GID4: variants seen among roughly 807,000 people sequenced by gnomAD.
The protein encoded by GID4 is GID complex subunit 4 homolog, also known as glucose-induced degradation protein 4 homolog.
In GID4, 7 loss-of-function variants were observed where a neutral mutation model predicts 32.4. The ratio of observed to expected loss-of-function variants is 0.22; its 90% confidence interval spans 0.12 to 0.41. The LOEUF (loss-of-function observed/expected upper bound fraction) is 0.41, where lower values mean the gene tolerates loss of function less well. Among genes scored for constraint, GID4 ranks in the 10% least tolerant of loss-of-function variants. GID4 has a pLI of 1.00. For synonymous variants in GID4, 166 were observed against 170.0 expected (o/e 0.98, Z 0.18); for missense variants, 309 against 400.0 (o/e 0.77, Z 1.94).
At chr17:18,064,831 C>T (rs1217251796) in intron 5 of GID4, among the ~76,000 whole-genome samples, 5 of 152,150 alleles carry the variant, frequency 3.3e-5, no homozygotes, top group Non-Finnish European at 7.4e-5. Flanking sequence ...TTACATGCTA[C>T]AGCAGGAGAG....
chr17:18,047,269 A>G (rs1435989256), intron 2 of GID4, among the ~76,000 whole-genome samples: 1 of 152,248 alleles, frequency 6.6e-6, no homozygotes, highest in Non-Finnish European at 1.5e-5. Flanking sequence ...AGGAGAAAAG[A>G]TACTAAAACA....
chr17:18,061,868 C>G lies in GID4; in HGVS notation c.732C>G (p.His244Gln). 4 of 1,614,094 alleles carry G rather than the reference C, an allele frequency of 2.5e-6. No homozygotes were observed. Among genetic ancestry groups the G allele is most frequent in the Non-Finnish European group, 3.4e-6 (4 of 1,179,986 alleles). Reference sequence around the variant, plus strand: ...AGGAACAGTTTCTGGTCCCAGATCACACGATCAAAGACATCAGTGGTGCTT... The same window carrying G: ...AGGAACAGTTTCTGGTCCCAGATCAGACGATCAAAGACATCAGTGGTGCTT... ...RWKEQFLVPD[H>Q]TIKDISGASF... is the part of the protein sequence containing the mutation. Residue 244 changes from histidine (H) to glutamine (Q), a missense_variant, in exon 5 of 6, where the codon CAC becomes CAG. By Grantham distance (24) the His-to-Gln change is conservative. This residue lies in a region of GID4 where 116 missense variants were observed against 214.2 expected (regional missense o/e 0.54). Coordinates refer to ENST00000268719, the MANE Select transcript of GID4 (RefSeq NM_024052.5). This position sits in a 1 kb window ranked among gnomAD's most constrained non-coding sequence, Gnocchi z 4.4.
At chr17:18,064,177 T>C (rs2045040541) in intron 5 of GID4, among the ~76,000 whole-genome samples, 1 of 152,228 alleles carries the variant, frequency 6.6e-6, no homozygotes, top group African/African-American at 2.4e-5. Context: ...CTTGGACATA[T>C]ACCTAGGAGT....
At position 18,052,984 on chromosome 17, in the gene GID4, T is replaced by C. The variant is rs78701337; in HGVS notation, c.499-1143T>C. On this transcript the variant is annotated intron_variant, in intron 2 of 5. Coordinates refer to ENST00000268719, the MANE Select transcript of GID4 (RefSeq NM_024052.5). ...TCATTACTAGAAGTTTCTCTGAACA[T>C]GTAGAACACTGAAAAAAGTATTTAC... Among the ~76,000 whole-genome samples the C allele has an allele frequency of 5.1e-3, 765 of 150,834 alleles. 5 individuals are homozygous for C. Among genetic ancestry groups the C allele is most frequent in the East Asian group, 0.031 (156 of 5,092 alleles).
intron 2 of GID4, among the ~76,000 whole-genome samples, chr17:18,045,906 AGAAAG>A (rs1264367305): frequency 1.3e-5 from 2 of 148,628 alleles, no homozygotes; most frequent in African/African-American, 5.2e-5. Flanking sequence ...AAAAAAAAAA[AGAAAG>A]AAAAAAAAGG....
In GID4 at chr17:18,054,215, A is replaced by T. The variant is rs2044942665; in HGVS notation, c.587A>T (p.Asp196Val). Residue 196 changes from aspartate (D) to valine (V), a missense_variant, in exon 3 of 6, where the codon GAT (aspartate) becomes GTT (valine). This residue lies in a region of GID4 where 116 missense variants were observed against 214.2 expected (regional missense o/e 0.54). Coordinates refer to ENST00000268719, the MANE Select transcript of GID4 (RefSeq NM_024052.5). ...FLTRKWDADE[D>V]VDRKHWGKFL... ...ACTCGCAAGTGGGATGCAGATGAAGATGTTGATCGGAAACACTGGGTGAGT... is the reference window on the plus strand; with the variant it reads ...ACTCGCAAGTGGGATGCAGATGAAGTTGTTGATCGGAAACACTGGGTGAGT... 6.2e-7 allele frequency: 1 copy of T among 1,608,810 alleles called. No homozygotes were observed.
chr17:18,055,796 T>C (rs1354712867), intron 3 of GID4, among the ~76,000 whole-genome samples: 2 of 151,576 alleles, frequency 1.3e-5, no homozygotes, highest in Non-Finnish European at 2.9e-5. Flanking sequence ...ACCTGTTTTT[T>C]TGGTTTTTCT....
chr17:18,043,426 A>G (rs2044822289), intron 1 of GID4, among the ~76,000 whole-genome samples: 1 of 152,234 alleles, frequency 6.6e-6, no homozygotes, highest in Non-Finnish European at 1.5e-5. Context: ...TCCAAACTAT[A>G]TTGAATTCAA....
intron 3 of GID4, 36 bp from the exon 4 acceptor site, chr17:18,058,832 C>A: frequency 1.5e-6 from 2 of 1,309,634 alleles, no homozygotes; most frequent in Non-Finnish European, 2.2e-6. Context: ...CTCTCCTTCT[C>A]TCAGTCAATC....
intron 1 of GID4, among the ~76,000 whole-genome samples, chr17:18,040,114 T>G (rs2044777887): frequency 6.6e-6 from 1 of 152,024 alleles, no homozygotes; most frequent in Non-Finnish European, 1.5e-5. Context: ...GAGCCCGTCG[T>G]GACCGGCTCC....
intron 3 of GID4, among the ~76,000 whole-genome samples, chr17:18,058,129 A>C (rs1231617281): frequency 6.6e-6 from 1 of 152,148 alleles, no homozygotes; most frequent in Non-Finnish European, 1.5e-5. Context: ...CCCCACACCC[A>C]GTGGATGTAT....
chr17:18,052,082 A>C lies in GID4; in HGVS notation c.499-2045A>C, dbSNP rs976647716. On this transcript the variant is annotated intron_variant, in intron 2 of 5. Transcript: ENST00000268719. ...GAGCAAGACTCTGTCCCTCCCCCCAAAAAAAAAAAAAAAAGTTAGCTTATA... is the reference window on the plus strand; with the variant it reads ...GAGCAAGACTCTGTCCCTCCCCCCACAAAAAAAAAAAAAAGTTAGCTTATA... Among the ~76,000 whole-genome samples, 239 of 27,726 alleles carry C rather than the reference A, an allele frequency of 8.6e-3. 1 individual carries two copies. The highest frequency in any genetic ancestry group is 0.022 in the African/African-American group (171 of 7,892). The allele number at this position is 27,726 out of a possible 152,430, so 18.2% of individuals were successfully genotyped here. A position where few individuals can be genotyped will look rare whatever the true frequency, so the allele number is the denominator to read the frequency against.
intron 3 of GID4, 53 bp from the exon 4 acceptor site, chr17:18,058,815 G>T (rs1388328242): frequency 4.4e-6 from 5 of 1,142,774 alleles, no homozygotes; most frequent in Non-Finnish European, 6.6e-6. Flanking sequence ...ATAGTTCTGA[G>T]AGCAGCCTCT....
At chr17:18,060,399 C>T (rs867750081) in intron 4 of GID4, among the ~76,000 whole-genome samples, 3 of 98,242 alleles carry the variant, frequency 3.1e-5, no homozygotes, top group South Asian at 3.1e-4. Context: ...CTCTGTCTCA[C>T]CAAAAAAAAA....
In GID4 at chr17:18,063,075, A is replaced by AAAATAAAT. The variant is rs140677914; in HGVS notation, c.839+1139_839+1146dup. 1.4e-3 allele frequency among the ~76,000 whole-genome samples: 175 copies of AAAATAAAT among 123,656 alleles called. 1 individual carries two copies. The highest frequency in any genetic ancestry group is 3.3e-3 in the Admixed American group (39 of 11,820). 81.1% of individuals were successfully genotyped at this position (123,656 alleles called of 152,430 possible). A position where few individuals can be genotyped will look rare whatever the true frequency, so the allele number is the denominator to read the frequency against. On this transcript the variant is annotated intron_variant, in intron 5 of 5. Coordinates refer to ENST00000268719, the MANE Select transcript of GID4 (RefSeq NM_024052.5). ...GGCGACAGAGCGAGACACCATCTCAAAAATAAATAAATAAATAAATAAATA... is the reference window on the plus strand; with the variant it reads ...GGCGACAGAGCGAGACACCATCTCAAAAATAAATAAATAAATAAATAAATAAATAAATA...
intron 5 of GID4, 190 bp downstream of exon 5, chr17:18,062,165 G>A (rs1017972048): frequency 8.1e-6 from 4 of 494,844 alleles, no homozygotes; most frequent in Non-Finnish European, 1.4e-5. Flanking sequence ...GCACAGAGCA[G>A]AGTAAATGAG....
At chr17:18,048,756 C>G (rs2044880523) in intron 2 of GID4, among the ~76,000 whole-genome samples, 1 of 151,832 alleles carries the variant, frequency 6.6e-6, no homozygotes, top group Non-Finnish European at 1.5e-5. Flanking sequence ...AATTCCCATG[C>G]CTCAGCCTCC....
chr17:18,046,091 G>C (rs1326323681), intron 2 of GID4, among the ~76,000 whole-genome samples: 2 of 152,126 alleles, frequency 1.3e-5, no homozygotes, highest in Non-Finnish European at 2.9e-5. Flanking sequence ...AGCTGGACTG[G>C]CCCTCCGAAT....
chr17:18,065,004 A>T (rs974411779), intron 5 of GID4, among the ~76,000 whole-genome samples, 176 bp from the exon 6 acceptor site: 2 of 152,248 alleles, frequency 1.3e-5, no homozygotes, highest in African/African-American at 2.4e-5. Context: ...ATTAACCAAA[A>T]AAAGAAAGAA....
Sources: gnomAD v4.1 joint callset for allele counts (sites outside exome capture counted in the v4.1 genomes callset) on GRCh38, gnomAD v4.1.1 for gene constraint, gnomAD v4.1.1 regional missense constraint, Gnocchi (gnomAD v3.1) non-coding constraint, MANE v1.5 for transcripts, NCBI Gene and HGNC (gene_info 2026-07-23, HGNC 2026-07-21) for gene names.